ALK: variants seen among roughly 807,000 people sequenced by gnomAD.
ALK encodes the protein ALK tyrosine kinase receptor.
A neutral mutation model predicts 163.1 loss-of-function variants in ALK; 74 were observed. That is an observed-to-expected ratio of 0.45 (90% CI 0.38 to 0.55). The LOEUF is 0.55. Ranked by LOEUF, ALK falls within the 20% of genes least tolerant of loss-of-function variation. The pLI is 0.00. For missense variants in ALK, 2,063 were observed against 2,105.3 expected (o/e 0.98, Z 0.39); for synonymous variants, 960 against 843.2 (o/e 1.14, Z -2.40).
chr2:29,265,967 A>G (rs1442744845), intron 11 of ALK, among the ~76,000 whole-genome samples: 1 of 152,176 alleles, frequency 6.6e-6, no homozygotes. Flanking sequence ...CCTGGGTGAC[A>G]AGAGCGAAAC....
At chr2:29,895,316 G>A (rs75273325) in intron 1 of ALK, among the ~76,000 whole-genome samples, 1,995 of 152,312 alleles carry the variant, frequency 0.013, 48 homozygotes, top group East Asian at 0.072. Context: ...AGTGCACTGG[G>A]ATTCCATTAG....
At chr2:29,912,310 T>C (rs1395289129) in intron 1 of ALK, among the ~76,000 whole-genome samples, 1 of 151,996 alleles carries the variant, frequency 6.6e-6, no homozygotes, top group Admixed American at 6.5e-5. Flanking sequence ...CATAATCAAA[T>C]TCTGAAAACC....
chr2:29,468,556 G>C (rs1671268074), intron 4 of ALK, among the ~76,000 whole-genome samples: 1 of 152,062 alleles, frequency 6.6e-6, no homozygotes, highest in African/African-American at 2.4e-5. Context: ...TCATGGTTCA[G>C]AATGAATAGC....
chr2:29,772,634 C>T (rs1351920105), intron 1 of ALK, among the ~76,000 whole-genome samples: 1 of 152,134 alleles, frequency 6.6e-6, no homozygotes, highest in Non-Finnish European at 1.5e-5. Context: ...TAGCTGTATG[C>T]CCCCCTAAAA....
chr2:29,903,147 T>C (rs780218330), intron 1 of ALK, among the ~76,000 whole-genome samples: 1 of 152,204 alleles, frequency 6.6e-6, no homozygotes, highest in Non-Finnish European at 1.5e-5. Flanking sequence ...CTTGTAATTA[T>C]TGCCTGTTAC....
intron 5 of ALK, among the ~76,000 whole-genome samples, chr2:29,329,125 A>T (rs1667364296): frequency 6.6e-6 from 1 of 152,048 alleles, no homozygotes; most frequent in African/African-American, 2.4e-5. Flanking sequence ...TTTCTATTAG[A>T]TTGCTAAGGT....
chr2:29,714,002 C>G (rs913701795), intron 2 of ALK, among the ~76,000 whole-genome samples: 1 of 152,040 alleles, frequency 6.6e-6, no homozygotes, highest in Admixed American at 6.6e-5. Context: ...GGCTCTAAAA[C>G]TCAAGGTGAT....
chr2:29,422,837 T>G (rs1319092038), intron 4 of ALK, among the ~76,000 whole-genome samples: 3 of 152,138 alleles, frequency 2.0e-5, no homozygotes, highest in Non-Finnish European at 4.4e-5. Flanking sequence ...TCTTAAAAGC[T>G]TTTTCAGGAA....
chr2:29,671,822 C>G (rs372837468), intron 3 of ALK, among the ~76,000 whole-genome samples: 1 of 152,006 alleles, frequency 6.6e-6, no homozygotes, highest in Non-Finnish European at 1.5e-5. Context: ...GTAAAACCAG[C>G]TTGCTTCTAC....
intron 1 of ALK, among the ~76,000 whole-genome samples, chr2:29,794,009 T>C (rs1236212582): frequency 1.1e-4 from 17 of 152,192 alleles, no homozygotes; most frequent in Admixed American, 1.1e-3. Flanking sequence ...ACTTCTCTTT[T>C]GTAGCTATGA....
At chr2:29,671,932 A>G (rs1292565550) in intron 3 of ALK, among the ~76,000 whole-genome samples, 4 of 151,984 alleles carry the variant, frequency 2.6e-5, no homozygotes, top group Non-Finnish European at 5.9e-5. Flanking sequence ...TAATTACAAA[A>G]TAAATATGTA....
intron 3 of ALK, among the ~76,000 whole-genome samples, chr2:29,605,172 G>A (rs115099104): frequency 2.4e-3 from 360 of 152,322 alleles, no homozygotes; most frequent in Non-Finnish European, 4.2e-3. Context: ...TAGCGATTAC[G>A]TTCTCATAAG....
At chr2:29,669,187 A>G (rs779697221) in intron 3 of ALK, among the ~76,000 whole-genome samples, 1 of 152,070 alleles carries the variant, frequency 6.6e-6, no homozygotes, top group Non-Finnish European at 1.5e-5. Context: ...CATTACTAAA[A>G]GTGGGGTGTT....
intron 1 of ALK, among the ~76,000 whole-genome samples, chr2:29,835,063 T>C (rs80007376): frequency 0.01 from 1,556 of 152,300 alleles, 16 homozygotes; most frequent in Middle Eastern, 0.031. Context: ...GGTGAGTGGG[T>C]AAATCAAGTG....
At chr2:29,894,537 G>A (rs973247619) in intron 1 of ALK, among the ~76,000 whole-genome samples, 1 of 151,966 alleles carries the variant, frequency 6.6e-6, no homozygotes, top group Non-Finnish European at 1.5e-5. Context: ...ACCTGGGGAG[G>A]GGGAGCAGGG....
At chr2:29,593,416 C>T (rs1221705102) in intron 3 of ALK, among the ~76,000 whole-genome samples, 4 of 152,172 alleles carry the variant, frequency 2.6e-5, no homozygotes, top group Non-Finnish European at 4.4e-5. Context: ...GGGAATTGAC[C>T]CCTCTTCACC....
intron 1 of ALK, among the ~76,000 whole-genome samples, chr2:29,759,293 T>C (rs1680632752): frequency 6.6e-6 from 1 of 152,208 alleles, no homozygotes; most frequent in Admixed American, 6.5e-5. Flanking sequence ...GTTAGCTAAC[T>C]GTATGTTGGC....
rs1671715746 is a variant in ALK, at chr2:29,483,577, G to GT, written c.1154+48337dup. On this transcript the variant is annotated intron_variant, in intron 4 of 28. Transcript: ENST00000389048. ...CCAAGACAGTTCATCTCTAAATAAC[G>GT]TTTTACTTTTAATTGTGAAATATTT... Among the ~76,000 whole-genome samples, 5 of 152,114 alleles carry GT rather than the reference G, an allele frequency of 3.3e-5. No homozygotes were observed. The South Asian group carries it at 1.0e-3, about 32-fold the overall frequency.
intron 1 of ALK, among the ~76,000 whole-genome samples, chr2:29,797,250 C>G (rs1664343585): frequency 6.6e-6 from 1 of 152,154 alleles, no homozygotes. Context: ...GTCCAGATAA[C>G]TCTGTTTCTT....
Sources: allele counts gnomAD v4.1 joint callset (sites outside exome capture counted in the v4.1 genomes callset), GRCh38; gene constraint gnomAD v4.1.1; transcripts MANE v1.5; gene names NCBI Gene and HGNC (gene_info 2026-07-23, HGNC 2026-07-21).